The following CEACAM18 variants were observed in gnomAD, a reference collection of about 807,000 sequenced individuals.
CEACAM18 encodes CEA cell adhesion molecule 18.
A neutral mutation model predicts 34.3 loss-of-function variants in CEACAM18; 33 were observed. That is an observed-to-expected ratio of 0.96 (90% CI 0.73 to 1.29). The LOEUF (loss-of-function observed/expected upper bound fraction) is 1.29. Ranked by LOEUF, CEACAM18 falls within the 50% of genes most tolerant of loss-of-function variation. The pLI, the probability that CEACAM18 is intolerant of heterozygous loss-of-function variation, is 0.00. For synonymous variants in CEACAM18, 169 were observed against 180.9 expected (o/e 0.93, Z 0.53); for missense variants, 474 against 485.0 (o/e 0.98, Z 0.21).
chr19:51,484,906 A>G, intron 4 of CEACAM18, 81 bp from the exon 5 acceptor site: 1 of 1,468,990 alleles, frequency 6.8e-7, no homozygotes, highest in Non-Finnish European at 9.2e-7. Flanking sequence ...TGAAGAATGG[A>G]TATGTGGGTG....
chr19:51,480,368 G>A (rs1321766954), exon 2 of CEACAM18: 1 of 1,612,014 alleles, frequency 6.2e-7, no homozygotes, highest in Non-Finnish European at 8.5e-7. Flanking sequence ...CCAGGCCTCT[G>A]GCCAAATCTT....
intron 3 of CEACAM18, 73 bp from the exon 4 acceptor site, chr19:51,482,944 G>C: frequency 1.9e-6 from 3 of 1,557,328 alleles, no homozygotes; most frequent in Non-Finnish European, 2.6e-6. Context: ...CCTCCTGGCT[G>C]GGGGAGGACT....
rs926148726 is a variant in CEACAM18, at chr19:51,483,835, G to A, written c.953+539G>A. On this transcript the variant is annotated intron_variant, in intron 4 of 5. Transcript: ENST00000396477. ...AGTAGAGATTTGGCATGGCCATGGC[G>A]TCAGAAACTTGGCTTGGGAGTGAAT... Among the ~76,000 whole-genome samples the A allele has an allele frequency of 1.4e-4, 22 of 152,328 alleles. 1 individual carries two copies. The highest frequency in any genetic ancestry group is 6.8e-3 in the Middle Eastern group (2 of 294).
exon 4 of CEACAM18, chr19:51,483,229 T>C: frequency 6.2e-7 from 1 of 1,614,010 alleles, no homozygotes; most frequent in Non-Finnish European, 8.5e-7. Context: ...CCGTTACCGA[T>C]GCACTGTGGA....
chr19:51,485,148 G>A, intron 5 of CEACAM18, 26 bp downstream of exon 5: 1 of 1,476,964 alleles, frequency 6.8e-7, no homozygotes, highest in Non-Finnish European at 9.0e-7. Context: ...TGGGACAAGG[G>A]TGGGATGTTG....
chr19:51,479,724 G>A, intron 1 of CEACAM18, among the ~76,000 whole-genome samples: 1 of 152,200 alleles, frequency 6.6e-6, no homozygotes, highest in Non-Finnish European at 1.5e-5. Flanking sequence ...GGAGGGAGAA[G>A]GAGTCCCTGC....
At position 51,483,220 on chromosome 19, in the gene CEACAM18, C is replaced by T. The variant is rs752008606; in HGVS notation, c.877C>T (p.Arg293Cys). Reference sequence around the variant, plus strand: ...GAGTCTTGCCTGGGAGCAGATGGGCCGTTACCGATGCACTGTGGAGAACCC... The same window carrying T: ...GAGTCTTGCCTGGGAGCAGATGGGCTGTTACCGATGCACTGTGGAGAACCC... The change falls in exon 4 of 6, where the codon CGT becomes TGT. Residue 293 changes from arginine (R) to cysteine (C), a missense_variant. Arg to Cys is a radical substitution (Grantham distance 180). Transcript: ENST00000396477. 2.0e-5 allele frequency: 33 copies of T among 1,613,872 alleles called. No homozygotes were observed. The South Asian group carries it at 2.7e-4, about 13-fold the overall frequency.
At chr19:51,479,280 G>T (rs1247232349) in intron 1 of CEACAM18, among the ~76,000 whole-genome samples, 1 of 152,246 alleles carries the variant, frequency 6.6e-6, no homozygotes, top group Non-Finnish European at 1.5e-5. Flanking sequence ...CATAGCCCAG[G>T]CTTGGGGTTC....
rs1990072406 is a variant in CEACAM18 at position 51,490,475 on chromosome 19, C to T, written c.1090-112C>T. ...TCCATTGGGTCCCATGTGAGGAAGA[C>T]TTAGGCTTGGACTTGGTGGGAAGTC... On this transcript the variant is annotated intron_variant, in intron 5 of 5. Coordinates refer to ENST00000396477, the Ensembl canonical transcript of CEACAM18. The T allele has an allele frequency of 3.3e-6, 3 of 921,136 alleles. No homozygotes were observed. In the East Asian group the frequency reaches 9.9e-5, roughly 31 times the overall value. The allele number at this position is 921,136 out of a possible 1,614,324, so 57.1% of individuals were successfully genotyped here.
At chr19:51,490,690 G>T (rs533875399) in exon 6 of CEACAM18, 4 of 1,131,604 alleles carry the variant, frequency 3.5e-6, no homozygotes, top group Non-Finnish European at 4.5e-6. Flanking sequence ...GTCCCCATAG[G>T]GCCAGCGAGG....
exon 5 of CEACAM18, chr19:51,485,097 G>T: frequency 1.3e-6 from 2 of 1,528,906 alleles, no homozygotes; most frequent in Non-Finnish European, 1.7e-6. Flanking sequence ...CCTGATCCAT[G>T]CTCTGATCAA....
At chr19:51,480,810 C>G (rs1431097039) in intron 2 of CEACAM18, 130 bp downstream of exon 2, 34 of 812,596 alleles carry the variant, frequency 4.2e-5, no homozygotes, top group Non-Finnish European at 6.4e-5. Flanking sequence ...TCTTGTGTAC[C>G]ATGGACAGCT....
intron 3 of CEACAM18, 86 bp from the exon 4 acceptor site, chr19:51,482,931 G>A: frequency 6.6e-7 from 1 of 1,524,180 alleles, no homozygotes; most frequent in Non-Finnish European, 8.9e-7. Flanking sequence ...GCACAATGGG[G>A]AACCTCCTGG....
rs1460088813 is a variant in CEACAM18, at chr19:51,490,699, G to A, written c.*47G>A. The A allele has an allele frequency of 5.7e-6, 6 of 1,051,532 alleles. No homozygotes were observed. The African/African-American group carries it at 8.2e-5, about 14-fold the overall frequency. The allele number at this position is 1,051,532 out of a possible 1,614,324, so 65.1% of individuals were successfully genotyped here. On this transcript the variant is annotated 3_prime_UTR_variant, in exon 6 of 6. Transcript: ENST00000396477. ...CTGGGGGTCCCCATAGGGCCAGCGA[G>A]GCTGAAAAGGGTCCAGGGTCTCTTT...
At chr19:51,487,929 G>C (rs1231069957) in intron 5 of CEACAM18, among the ~76,000 whole-genome samples, 1 of 152,224 alleles carries the variant, frequency 6.6e-6, no homozygotes, top group Non-Finnish European at 1.5e-5. Flanking sequence ...ACCAGCTCAT[G>C]GCTATGAGAT....
intron 4 of CEACAM18, 100 bp downstream of exon 4, chr19:51,483,396 A>G (rs1178876169): frequency 1.4e-6 from 2 of 1,405,262 alleles, no homozygotes; most frequent in Admixed American, 1.8e-5. Context: ...CCACTGTGCC[A>G]TGACATGCTC....
chr19:51,488,783 C>T lies in CEACAM18; in HGVS notation c.1090-1804C>T, dbSNP rs536136497. ...ATGTGGACAGGGCTCCAGAATCCCT[C>T]CTCATTCCCCTAAGAGCAGGGCCAT... On this transcript the variant is annotated intron_variant, in intron 5 of 5. Transcript: ENST00000396477. 3.1e-3 allele frequency among the ~76,000 whole-genome samples: 479 copies of T among 152,266 alleles called. 2 individuals carry two copies. The highest frequency in any genetic ancestry group is 0.011 in the African/African-American group (454 of 41,550).
At chr19:51,490,824 T>C (rs113018408) in exon 6 of CEACAM18, 44 of 397,342 alleles carry the variant, frequency 1.1e-4, no homozygotes, top group African/African-American at 7.8e-4. Flanking sequence ...GACCTGAAGA[T>C]GATGTCGTGG....
At chr19:51,478,681 G>C in exon 1 of CEACAM18, 4 of 1,470,392 alleles carry the variant, frequency 2.7e-6, no homozygotes, top group Non-Finnish European at 3.6e-6. Context: ...TGTGGAGGAG[G>C]GTCTTCCTCA....
Sources: gnomAD v4.1 joint callset for allele counts (sites outside exome capture counted in the v4.1 genomes callset) on GRCh38, gnomAD v4.1.1 for gene constraint, MANE v1.5 for transcripts, NCBI Gene and HGNC (gene_info 2026-07-23, HGNC 2026-07-21) for gene names.